TACC1: variants seen among roughly 807,000 people sequenced by gnomAD.
The protein encoded by TACC1 is transforming acidic coiled-coil-containing protein 1.
In TACC1, 48 loss-of-function variants were observed where a neutral mutation model predicts 84.4. That is an observed-to-expected ratio of 0.57 (90% CI 0.45 to 0.72). The LOEUF is 0.72. Ranked by LOEUF, TACC1 falls within the 30% of genes least tolerant of loss-of-function variation. The pLI, the probability that TACC1 is intolerant of heterozygous loss-of-function variation, is 0.00. For synonymous variants in TACC1, 372 were observed against 376.3 expected, an observed-to-expected ratio of 0.99 and a Z score of 0.13; for missense variants, 920 against 973.0, an observed-to-expected ratio of 0.95 and a Z score of 0.72.
chr8:38,785,385 C>T (rs559671120), upstream of TACC1, among the ~76,000 whole-genome samples: 21 of 152,240 alleles, frequency 1.4e-4, no homozygotes, highest in African/African-American at 3.9e-4. Flanking sequence ...GAGTTCTCTA[C>T]TCACTGTGGC....
Position 38,824,010 on chromosome 8 carries a change from T to A in TACC1, c.1392-1298T>A, listed in dbSNP as rs1410790677. On this transcript the variant is annotated intron_variant, in intron 3 of 12. Coordinates refer to ENST00000317827, the MANE Select transcript of TACC1 (RefSeq NM_006283.3). The stretch of plus-strand genomic sequence containing the variant: ...ATCAGGACTACTGAACAAGTGAAAT[T>A]TCTCTGTTTTCTGTTGTAAGTACTC... The A allele has an allele frequency of 3.0e-6, 4 of 1,351,962 alleles. No individual in the cohort carries two copies. The Admixed American group carries it at 7.6e-5, about 26-fold the overall frequency. The allele number at this position is 1,351,962 out of a possible 1,614,324, so 83.7% of individuals were successfully genotyped here.
Position 38,787,271 on chromosome 8 carries a change from T to C in TACC1, c.-312T>C. 1 of 1,070,410 alleles carries C rather than the reference T, an allele frequency of 9.3e-7. No homozygotes were observed. Among genetic ancestry groups the C allele is most frequent in the Non-Finnish European group, 1.1e-6 (1 of 885,184 alleles). 66.3% of individuals were successfully genotyped at this position (1,070,410 alleles called of 1,614,324 possible). On this transcript the variant is annotated 5_prime_UTR_variant, in exon 1 of 13. Coordinates refer to ENST00000317827, the MANE Select transcript of TACC1 (RefSeq NM_006283.3). ...GCCGGGAGCGGGAGCAGCAGAGGTCTAGCAGCCGGGCGCCGCGGGCCGGGG... is the reference window on the plus strand; with the variant it reads ...GCCGGGAGCGGGAGCAGCAGAGGTCCAGCAGCCGGGCGCCGCGGGCCGGGG...
At chr8:38,804,355 G>A (rs1020951508) in intron 2 of TACC1, among the ~76,000 whole-genome samples, 6 of 151,906 alleles carry the variant, frequency 3.9e-5, no homozygotes, top group Admixed American at 3.9e-4. Context: ...GCTGAGTTCA[G>A]TGGCGCCATC....
Position 38,849,273 on chromosome 8 carries a change from AAGG to A in TACC1, c.*1253_*1255del, listed in dbSNP as rs1327694031. Reference sequence around the variant, plus strand: ...TGTTGAATACTGAGAAGAGGAGTGCAAGGAGAAGGTCTGTACTAACAAAGCCAA... The same window carrying A: ...TGTTGAATACTGAGAAGAGGAGTGCAAGAAGGTCTGTACTAACAAAGCCAA... On this transcript the variant is annotated 3_prime_UTR_variant, in exon 13 of 13. Transcript: ENST00000317827. 6.6e-6 allele frequency: 1 copy of A among 152,220 alleles called. No individual in the cohort carries two copies. The highest frequency in any genetic ancestry group is 1.5e-5 in the Non-Finnish European group (1 of 68,042). 9.4% of individuals were successfully genotyped at this position (152,220 alleles called of 1,614,324 possible).
intron 3 of TACC1, among the ~76,000 whole-genome samples, chr8:38,770,117 T>G (rs1039381015): frequency 1.3e-5 from 2 of 151,952 alleles, no homozygotes; most frequent in African/African-American, 4.8e-5. Context: ...CGCTGCCGGC[T>G]CTGGCTCTCC....
intron 11 of TACC1, 173 bp downstream of exon 11, chr8:38,843,568 C>A: frequency 2.5e-6 from 1 of 393,142 alleles, no homozygotes; most frequent in Non-Finnish European, 4.5e-6. Flanking sequence ...AAAGGTATAT[C>A]TGCTCCTGCC....
rs1006348845 is a variant in TACC1, at chr8:38,757,261, C to G, written c.26+11768C>G. On this transcript the variant is annotated intron_variant, in intron 3 of 14. Transcript: ENST00000518415. ...CCTTCCTCCCGCCCCACCGCCTCCC[C>G]GCCCAGGGTCTGGGCACAGCCGCCC... 5 of 1,140,950 alleles carry G rather than the reference C, an allele frequency of 4.4e-6. No homozygotes were observed. In the South Asian group the frequency reaches 8.0e-5, roughly 18 times the overall value. The allele number at this position is 1,140,950 out of a possible 1,614,324, so 70.7% of individuals were successfully genotyped here. A position where few individuals can be genotyped will look rare whatever the true frequency, so the allele number is the denominator to read the frequency against.
chr8:38,729,122 G>A (rs779969731), intron 1 of TACC1, among the ~76,000 whole-genome samples: 1 of 152,146 alleles, frequency 6.6e-6, no homozygotes, highest in East Asian at 1.9e-4. Context: ...GCTGGGAAAA[G>A]CATTCTCACC....
chr8:38,766,408 A>G (rs1186629839), intron 3 of TACC1, among the ~76,000 whole-genome samples: 1 of 152,188 alleles, frequency 6.6e-6, no homozygotes, highest in East Asian at 1.9e-4. Flanking sequence ...AGTCCTGTCT[A>G]TTTTTGGAGG....
At chr8:38,750,586 G>A (rs1180528919) in intron 3 of TACC1, among the ~76,000 whole-genome samples, 1 of 152,186 alleles carries the variant, frequency 6.6e-6, no homozygotes, top group Non-Finnish European at 1.5e-5. Flanking sequence ...AAAGCTATTA[G>A]AGGTACAAGG....
chr8:38,787,958 G>T lies in TACC1; in HGVS notation c.161+215G>T, dbSNP rs1817680870. On this transcript the variant is annotated intron_variant, in intron 1 of 12. Transcript: ENST00000317827. The stretch of plus-strand genomic sequence containing the variant: ...GCCCCCGTTTCGCTAGGAGAGTTCC[G>T]CACCCAACCCAGAATCTGCAGTCTC... The T allele has an allele frequency of 1.5e-5, 8 of 525,816 alleles. No individual in the cohort carries two copies. The East Asian group carries it at 2.5e-4, about 16-fold the overall frequency. The allele number at this position is 525,816 out of a possible 1,614,324, so 32.6% of individuals were successfully genotyped here.
chr8:38,789,404 C>T (rs1173761128), intron 2 of TACC1, among the ~76,000 whole-genome samples: 2 of 152,076 alleles, frequency 1.3e-5, no homozygotes, highest in Admixed American at 1.3e-4. Flanking sequence ...TGTCACACAG[C>T]CAGTTCAGAA....
At chr8:38,746,428 C>T (rs1808105824) in intron 3 of TACC1, among the ~76,000 whole-genome samples, 1 of 152,192 alleles carries the variant, frequency 6.6e-6, no homozygotes, top group Non-Finnish European at 1.5e-5. Context: ...CTCTGACTTT[C>T]ATTACAGCTG....
intron 2 of TACC1, chr8:38,744,096 A>G (rs1022947208): frequency 2.0e-5 from 3 of 152,086 alleles, no homozygotes; most frequent in Non-Finnish European, 4.4e-5. Flanking sequence ...ATTCTACTCT[A>G]TCCCCCTTCT....
At chr8:38,805,259 G>C (rs1173748042) in intron 2 of TACC1, among the ~76,000 whole-genome samples, 2 of 152,258 alleles carry the variant, frequency 1.3e-5, no homozygotes, top group African/African-American at 4.8e-5. Context: ...TTACTTCTAA[G>C]TCAATAATAA....
intron 1 of TACC1, among the ~76,000 whole-genome samples, chr8:38,740,197 A>G (rs1042099005): frequency 4.6e-5 from 7 of 152,152 alleles, no homozygotes; most frequent in Admixed American, 3.3e-4. Flanking sequence ...TGAGCTGAGG[A>G]TTCCTCCATC....
intron 1 of TACC1, among the ~76,000 whole-genome samples, chr8:38,740,701 A>G (rs747760361): frequency 6.6e-6 from 1 of 152,198 alleles, no homozygotes; most frequent in Non-Finnish European, 1.5e-5. Flanking sequence ...TCCATATACT[A>G]TATCTGGCAG....
chr8:38,791,812 G>A (rs1818733615), intron 2 of TACC1, among the ~76,000 whole-genome samples: 1 of 152,098 alleles, frequency 6.6e-6, no homozygotes, highest in African/African-American at 2.4e-5. Context: ...AAACATTCTG[G>A]CTTCCTGGTA....
intron 3 of TACC1, among the ~76,000 whole-genome samples, chr8:38,746,688 TA>T (rs1216521575): frequency 6.6e-6 from 1 of 152,206 alleles, no homozygotes; most frequent in Non-Finnish European, 1.5e-5. Context: ...ATTTTCTACT[TA>T]AGAAATTATA....
Sources: allele counts gnomAD v4.1 joint callset (sites outside exome capture counted in the v4.1 genomes callset), GRCh38; gene constraint gnomAD v4.1.1; transcripts MANE v1.5; gene names NCBI Gene and HGNC (gene_info 2026-07-23, HGNC 2026-07-21).